The following CHRNA7 variants were observed in gnomAD, a reference collection of about 807,000 sequenced individuals.
CHRNA7 encodes the protein cholinergic receptor nicotinic alpha 7 subunit, also known as neuronal acetylcholine receptor subunit alpha-7.
Under a neutral mutation model 48.0 loss-of-function variants are expected in CHRNA7, and 17 were observed. The ratio of observed to expected loss-of-function variants is 0.35; its 90% CI spans 0.24 to 0.53. CHRNA7 has a LOEUF of 0.53. Among genes scored for constraint, CHRNA7 ranks in the 20% least tolerant of loss-of-function variants. The pLI, the probability that CHRNA7 is intolerant of heterozygous loss-of-function variation, is 0.92. For missense variants in CHRNA7, 155 were observed against 577.7 expected (o/e 0.27, Z 7.50); for synonymous variants, 75 against 242.3 (o/e 0.31, Z 6.41).
intron 4 of CHRNA7, among the ~76,000 whole-genome samples, chr15:32,133,419 C>T (rs1400577185): frequency 6.6e-6 from 1 of 152,210 alleles, no homozygotes; most frequent in African/African-American, 2.4e-5. Context: ...GCCCAGCTCT[C>T]TCCCACACGA....
intron 2 of CHRNA7, among the ~76,000 whole-genome samples, chr15:32,065,021 A>T (rs1301295944): frequency 6.6e-6 from 1 of 152,320 alleles, no homozygotes. Context: ...TCCTCCATAA[A>T]ATCAGAAAGA....
At chr15:32,127,009 T>A (rs1024469284) in intron 4 of CHRNA7, among the ~76,000 whole-genome samples, 2 of 152,172 alleles carry the variant, frequency 1.3e-5, no homozygotes, top group African/African-American at 4.8e-5. Flanking sequence ...TAAAGAACTG[T>A]TCCACGACTG....
intron 4 of CHRNA7, among the ~76,000 whole-genome samples, chr15:32,148,610 C>G (rs1371023344): frequency 6.6e-6 from 1 of 152,194 alleles, no homozygotes; most frequent in African/African-American, 2.4e-5. Flanking sequence ...CAGGGTCCAC[C>G]TGTGCCCCAT....
At chr15:32,151,455 C>CTT (rs111318707) in intron 4 of CHRNA7, among the ~76,000 whole-genome samples, 2 of 150,832 alleles carry the variant, frequency 1.3e-5, no homozygotes, top group African/African-American at 4.9e-5. Context: ...TTGAAAACCC[C>CTT]TTTTTTTTTG....
chr15:32,040,492 C>G (rs2049428169), intron 2 of CHRNA7, among the ~76,000 whole-genome samples: 1 of 151,674 alleles, frequency 6.6e-6, no homozygotes, highest in Admixed American at 6.6e-5. Flanking sequence ...TACATTATAC[C>G]ACTTCATGCA....
rs1222220139 is a variant in CHRNA7, at chr15:32,149,723, G to A, written c.351-4184G>A. ...ATTCTGTTTGGATGAAAAACATTCA[G>A]AAATCACTGAGTCACAAATCACTGA... On this transcript the variant is annotated intron_variant, in intron 4 of 9. Coordinates refer to ENST00000306901, the MANE Select transcript of CHRNA7 (RefSeq NM_000746.6). The surrounding 1 kb of genome is among the most constrained non-coding windows in gnomAD (Gnocchi z 4.6). 6.6e-6 allele frequency among the ~76,000 whole-genome samples: 1 copy of A among 152,110 alleles called. No homozygotes were observed. The highest frequency in any genetic ancestry group is 1.5e-5 in the Non-Finnish European group (1 of 68,016).
At chr15:32,050,780 T>C (rs1460414578) in intron 2 of CHRNA7, among the ~76,000 whole-genome samples, 1 of 152,182 alleles carries the variant, frequency 6.6e-6, no homozygotes, top group Non-Finnish European at 1.5e-5. Flanking sequence ...TGTGGTTTTA[T>C]TTACTTTTGG....
chr15:32,091,855 G>T (rs1164047778), intron 2 of CHRNA7, among the ~76,000 whole-genome samples: 1 of 152,096 alleles, frequency 6.6e-6, no homozygotes. Context: ...AGGATTTCTT[G>T]TGCTTTCTTG....
intron 2 of CHRNA7, among the ~76,000 whole-genome samples, chr15:32,047,882 G>T (rs951467131): frequency 2.0e-5 from 3 of 152,022 alleles, no homozygotes; most frequent in Non-Finnish European, 1.5e-5. Flanking sequence ...TAGCATGAAG[G>T]GTTGTTGAAT....
intron 2 of CHRNA7, among the ~76,000 whole-genome samples, chr15:32,092,925 C>G (rs966647027): frequency 1.3e-5 from 2 of 152,124 alleles, no homozygotes; most frequent in Admixed American, 1.3e-4. Context: ...TTTGACAATT[C>G]ATTGAAAAAG....
intron 4 of CHRNA7, among the ~76,000 whole-genome samples, chr15:32,120,060 A>G (rs954564810): frequency 2.0e-5 from 3 of 152,146 alleles, no homozygotes; most frequent in African/African-American, 4.8e-5. Flanking sequence ...GTGCCAGCAG[A>G]TGATAGCCAG....
Position 32,168,755 on chromosome 15 carries a change from AG to A in CHRNA7, c.*298del. ...CCACTGCCTGGAAAGCCCTTCGGAG[AG>A]CTCCCCATGGCTCCTCACCACCGAG... On this transcript the variant is annotated 3_prime_UTR_variant, in exon 10 of 10. Coordinates refer to ENST00000306901, the MANE Select transcript of CHRNA7 (RefSeq NM_000746.6). 8 of 38,980 alleles carry A rather than the reference AG, an allele frequency of 2.1e-4. No individual in the cohort carries two copies. Among genetic ancestry groups the A allele is most frequent in the South Asian group, 5.7e-4 (2 of 3,530 alleles). The allele number at this position is 38,980 out of a possible 1,614,324, so 2.4% of individuals were successfully genotyped here.
intron 4 of CHRNA7, among the ~76,000 whole-genome samples, chr15:32,127,612 A>G (rs1473161578): frequency 6.6e-6 from 1 of 152,044 alleles, no homozygotes; most frequent in Non-Finnish European, 1.5e-5. Flanking sequence ...ATTGAAATAT[A>G]TGTTCATGTC....
At chr15:32,147,424 C>A (rs953529581) in intron 4 of CHRNA7, among the ~76,000 whole-genome samples, 6 of 152,106 alleles carry the variant, frequency 3.9e-5, no homozygotes, top group African/African-American at 1.4e-4. Context: ...ACAGATAGCA[C>A]GTGCCTGCAG....
chr15:32,151,068 G>A (rs548279650), intron 4 of CHRNA7, among the ~76,000 whole-genome samples: 55 of 149,720 alleles, frequency 3.7e-4, no homozygotes, highest in Non-Finnish European at 5.2e-4. Flanking sequence ...ACTTCATCAC[G>A]TTTTTGCTTG....
intron 2 of CHRNA7, among the ~76,000 whole-genome samples, chr15:32,068,520 TA>T (rs1786334665): frequency 6.6e-6 from 1 of 152,154 alleles, no homozygotes; most frequent in Non-Finnish European, 1.5e-5. Context: ...GTAGTGAAGC[TA>T]GAGCTACAGT....
intron 4 of CHRNA7, among the ~76,000 whole-genome samples, chr15:32,113,963 G>A (rs550534242): frequency 6.7e-6 from 1 of 148,672 alleles, no homozygotes; most frequent in Admixed American, 6.7e-5. Context: ...CCAGCAGTGA[G>A]CTTTGATTAT....
intron 2 of CHRNA7, among the ~76,000 whole-genome samples, chr15:32,098,499 C>T (rs1270728092): frequency 1.3e-5 from 2 of 152,166 alleles, no homozygotes; most frequent in African/African-American, 4.8e-5. Flanking sequence ...AATGAGGAGA[C>T]TGAGTCCTGC....
At chr15:32,094,049 A>G (rs922118290) in intron 2 of CHRNA7, among the ~76,000 whole-genome samples, 1 of 152,202 alleles carries the variant, frequency 6.6e-6, no homozygotes, top group African/African-American at 2.4e-5. Context: ...TGTGTTTTAA[A>G]GCATAATGCA....
Sources: gnomAD v4.1 joint callset for allele counts (sites outside exome capture counted in the v4.1 genomes callset) on GRCh38, gnomAD v4.1.1 for gene constraint, Gnocchi (gnomAD v3.1) non-coding constraint, MANE v1.5 for transcripts, NCBI Gene and HGNC (gene_info 2026-07-23, HGNC 2026-07-21) for gene names.